Variants in NBEA observed in about 807,000 individuals in gnomAD.
NBEA encodes lysosomal-trafficking regulator 2.
Under a neutral mutation model 343.4 loss-of-function variants are expected in NBEA, and 44 were observed. The observed-to-expected ratio is 0.13, with a 90% CI of 0.10 to 0.16. The LOEUF (loss-of-function observed/expected upper bound fraction) is 0.16. Among genes scored for constraint, NBEA ranks in the 10% least tolerant of loss-of-function variants. The probability of loss-of-function intolerance (pLI) is 1.00; values close to 1 mark genes in which losing one functional copy is unlikely to be tolerated. For missense variants in NBEA, 2,555 were observed against 3,631.3 expected (o/e 0.70, Z 7.62); for synonymous variants, 1,175 against 1,238.7 (o/e 0.95, Z 1.08).
intron 42 of NBEA, 83 bp from the exon 43 acceptor site, chr13:35,550,847 A>C (rs2079285309): frequency 6.4e-6 from 5 of 782,338 alleles, no homozygotes; most frequent in Non-Finnish European, 1.0e-5. Context: ...AAATCATGAT[A>C]GGCACTTGAA....
intron 34 of NBEA, among the ~76,000 whole-genome samples, chr13:35,276,047 A>G (rs978416456): frequency 3.3e-5 from 5 of 152,188 alleles, no homozygotes; most frequent in African/African-American, 1.2e-4. Flanking sequence ...TAGATGGCAT[A>G]TCTGAACATC....
intron 36 of NBEA, among the ~76,000 whole-genome samples, chr13:35,334,212 T>C (rs2039106110): frequency 6.6e-6 from 1 of 152,176 alleles, no homozygotes; most frequent in Admixed American, 6.6e-5. Context: ...GCATTTGATA[T>C]TGCTAAAGTT....
At chr13:35,316,637 C>T (rs2037747031) in intron 36 of NBEA, among the ~76,000 whole-genome samples, 1 of 152,056 alleles carries the variant, frequency 6.6e-6, no homozygotes, top group Admixed American at 6.6e-5. Context: ...AATGGGATTG[C>T]TGGGTCAAAT....
At chr13:35,359,140 A>C (rs1396384437) in intron 38 of NBEA, among the ~76,000 whole-genome samples, 1 of 152,206 alleles carries the variant, frequency 6.6e-6, no homozygotes, top group Non-Finnish European at 1.5e-5. Flanking sequence ...GAATAACATG[A>C]TCTGATTTAT....
intron 51 of NBEA, among the ~76,000 whole-genome samples, chr13:35,648,852 G>A (rs1487729814): frequency 7.5e-6 from 1 of 133,794 alleles, no homozygotes; most frequent in Non-Finnish European, 1.6e-5. Context: ...ACGCACTGGG[G>A]CCTGTCATGG....
intron 41 of NBEA, among the ~76,000 whole-genome samples, chr13:35,522,519 A>G (rs1456852753): frequency 3.1e-5 from 4 of 129,442 alleles, no homozygotes; most frequent in Admixed American, 8.3e-5. Flanking sequence ...GATGCTGGGG[A>G]TGGGAGTCAG....
intron 45 of NBEA, among the ~76,000 whole-genome samples, chr13:35,579,226 T>C (rs915567006): frequency 9.2e-5 from 14 of 152,190 alleles, no homozygotes; most frequent in Non-Finnish European, 1.8e-4. Flanking sequence ...TTGAAAATTA[T>C]AATGTAGTTT....
At chr13:35,108,335 C>A (rs558823989) in intron 11 of NBEA, among the ~76,000 whole-genome samples, 4 of 151,746 alleles carry the variant, frequency 2.6e-5, no homozygotes, top group Admixed American at 2.6e-4. Flanking sequence ...GAATTATCAG[C>A]TTTTATGAAG....
intron 36 of NBEA, among the ~76,000 whole-genome samples, chr13:35,316,188 C>T (rs2037703073): frequency 6.6e-6 from 1 of 151,974 alleles, no homozygotes; most frequent in Non-Finnish European, 1.5e-5. Flanking sequence ...ATACACGTGT[C>T]ATGGTGGTTT....
chr13:35,060,731 T>G lies in NBEA; in HGVS notation c.1239+1868T>G, dbSNP rs902214832. ...TTAAAAAGCTTTTTTTTTCAGAAAT[T>G]CAGAGAATATAGGGAAGGAGGAATG... is the stretch of plus-strand genomic sequence containing the variant. On this transcript the variant is annotated intron_variant, in intron 8 of 58. Coordinates refer to ENST00000379939, the MANE Select transcript of NBEA (RefSeq NM_001385012.1). Among the ~76,000 whole-genome samples, 6 of 151,494 alleles carry G rather than the reference T, an allele frequency of 4.0e-5. No homozygotes were observed. In the Admixed American group the frequency reaches 4.0e-4, roughly 10 times the overall value.
chr13:35,665,070 G>A lies in NBEA; in HGVS notation c.8363-15G>A. The A allele has an allele frequency of 6.4e-7, 1 of 1,551,336 alleles. No individual in the cohort carries two copies. Among genetic ancestry groups the A allele is most frequent in the Non-Finnish European group, 8.8e-7 (1 of 1,142,180 alleles). ...TATTGGTCTGTAGTGCCTCACTGCT[G>A]CTGTTTTCTTGCAGGTGACTATCCG... On this transcript the variant is annotated splice_polypyrimidine_tract_variant and intron_variant, in intron 55 of 58. Coordinates refer to ENST00000379939, the MANE Select transcript of NBEA (RefSeq NM_001385012.1).
intron 1 of NBEA, among the ~76,000 whole-genome samples, chr13:35,034,471 CTTTAT>C (rs1041368004): frequency 4.6e-5 from 7 of 151,334 alleles, no homozygotes; most frequent in African/African-American, 1.7e-4. Flanking sequence ...CTGTAGTTTT[CTTTAT>C]TTTATTTTAT....
Position 35,300,272 on chromosome 13 carries a change from C to T in NBEA, c.5839-9256C>T, listed in dbSNP as rs56404124. On this transcript the variant is annotated intron_variant, in intron 35 of 58. Coordinates refer to ENST00000379939, the MANE Select transcript of NBEA (RefSeq NM_001385012.1). The stretch of plus-strand genomic sequence containing the variant: ...CCGGGATGTGGAGGTTGCAGTGAGC[C>T]GAGATCGAGCCACTGCACTCCAGCC... 2.7e-3 allele frequency among the ~76,000 whole-genome samples: 414 copies of T among 151,980 alleles called. 2 individuals are homozygous for T. Among genetic ancestry groups the T allele is most frequent in the Non-Finnish European group, 3.8e-3 (258 of 67,956 alleles).
At chr13:35,650,102 C>T (rs964318031) in intron 52 of NBEA, among the ~76,000 whole-genome samples, 1 of 152,140 alleles carries the variant, frequency 6.6e-6, no homozygotes, top group African/African-American at 2.4e-5. Context: ...AGCAGTTCTA[C>T]CAATAATTCA....
chr13:35,520,578 C>T (rs921299211), intron 41 of NBEA, among the ~76,000 whole-genome samples: 2 of 152,070 alleles, frequency 1.3e-5, no homozygotes, highest in Admixed American at 6.6e-5. Flanking sequence ...GTGCCAAGGA[C>T]GTCATGCCAC....
chr13:35,665,898 G>T (rs1282914733), intron 56 of NBEA, among the ~76,000 whole-genome samples: 1 of 152,200 alleles, frequency 6.6e-6, no homozygotes, highest in East Asian at 1.9e-4. Context: ...AAATTGCTGG[G>T]ATTACAGGCG....
chr13:35,407,146 G>A (rs1275438831), intron 38 of NBEA, among the ~76,000 whole-genome samples: 2 of 146,184 alleles, frequency 1.4e-5, no homozygotes, highest in Non-Finnish European at 3.0e-5. Context: ...TTTTTTTTCA[G>A]TAGAGACAGG....
intron 34 of NBEA, among the ~76,000 whole-genome samples, chr13:35,242,233 CA>C (rs2030426378): frequency 1.3e-5 from 2 of 151,624 alleles, no homozygotes; most frequent in Admixed American, 1.3e-4. Flanking sequence ...TATTTAAAAG[CA>C]AAAACTAATT....
chr13:35,489,704 G>A (rs1398662710), intron 41 of NBEA, among the ~76,000 whole-genome samples: 1 of 151,772 alleles, frequency 6.6e-6, no homozygotes, highest in East Asian at 1.9e-4. Flanking sequence ...AACATTTTAT[G>A]TTTTTGTTTA....
Sources: gnomAD v4.1 joint callset for allele counts (sites outside exome capture counted in the v4.1 genomes callset) on GRCh38, gnomAD v4.1.1 for gene constraint, MANE v1.5 for transcripts, NCBI Gene and HGNC (gene_info 2026-07-23, HGNC 2026-07-21) for gene names.